DIS3: variants seen among roughly 807,000 people sequenced by gnomAD.
DIS3 encodes the protein DIS3 exosome endoribonuclease and 3'-5' exoribonuclease.
DIS3 carries 103 observed loss-of-function variants against 113.0 expected under a neutral mutation model. The observed-to-expected ratio is 0.91, with a 90% CI of 0.78 to 1.07. The LOEUF (loss-of-function observed/expected upper bound fraction) is 1.07. Among genes scored for constraint, DIS3 ranks in the 50% least tolerant of loss-of-function variants. The pLI is 0.00. For missense variants in DIS3, 1,121 were observed against 1,167.1 expected (o/e 0.96, Z 0.58); for synonymous variants, 402 against 394.3 (o/e 1.02, Z -0.23).
At chr13:72,781,193 C>A in intron 1 of DIS3, 190 bp from the exon 2 acceptor site, 1 of 1,469,488 alleles carries the variant, frequency 6.8e-7, no homozygotes, top group Non-Finnish European at 9.3e-7. Flanking sequence ...TTAAAAAAAG[C>A]ACACTTAAAC....
chr13:72,775,691 A>G (rs529117501), intron 5 of DIS3, among the ~76,000 whole-genome samples: 2 of 152,118 alleles, frequency 1.3e-5, no homozygotes, highest in Non-Finnish European at 2.9e-5. Context: ...ATAAGAGTAC[A>G]CTACCTAGTT....
Position 72,781,634 on chromosome 13 carries a change from G to C in DIS3, c.199C>G (p.Leu67Val). 2 of 1,539,318 alleles carry C rather than the reference G, an allele frequency of 1.3e-6. No homozygotes were observed. The highest frequency in any genetic ancestry group is 2.0e-5 in the Admixed American group (1 of 49,972). Reference sequence around the variant, plus strand: ...TGCAGTAACACATTAGTGTCGGGCAGCAAGTAGTGCGGTTGCGGGCAGACG... The same window carrying C: ...TGCAGTAACACATTAGTGTCGGGCACCAAGTAGTGCGGTTGCGGGCAGACG... ...SSVCPQPHYL[L>V]PDTNVLLHQI... is the part of the protein sequence containing the mutation. Residue 67 changes from leucine to valine, a missense_variant, in exon 1 of 21, where the codon CTG becomes GTG. This residue lies in a region of DIS3 where 254 missense variants were observed against 232.2 expected (regional missense o/e 1.09). Transcript: ENST00000377767.
At chr13:72,781,351 T>TA in intron 1 of DIS3, 1 of 1,551,272 alleles carries the variant, frequency 6.4e-7, no homozygotes, top group Non-Finnish European at 8.7e-7. Flanking sequence ...TCCAGGCACT[T>TA]ACAATCTAAG....
intron 4 of DIS3, among the ~76,000 whole-genome samples, chr13:72,777,127 C>T (rs535457633): frequency 6.6e-6 from 1 of 152,338 alleles, no homozygotes; most frequent in East Asian, 1.9e-4. Context: ...TCAGCAGCTA[C>T]TCTTTATTCA....
At chr13:72,760,831 T>A (rs905963085) in intron 19 of DIS3, among the ~76,000 whole-genome samples, 180 bp from the exon 20 acceptor site, 1 of 152,192 alleles carries the variant, frequency 6.6e-6, no homozygotes, top group Non-Finnish European at 1.5e-5. Flanking sequence ...CCTACTTATG[T>A]GCTTACTTTC....
In DIS3 at chr13:72,761,649, G is replaced by A. The variant is rs763499612; in HGVS notation, c.2508C>T (p.Thr836=). 1.9e-6 allele frequency: 3 copies of A among 1,589,774 alleles called. No homozygotes were observed. Among genetic ancestry groups the A allele is most frequent in the Middle Eastern group, 1.7e-4 (1 of 5,944 alleles). Residue 836 remains threonine, a synonymous_variant, in exon 18 of 21, where the codon ACC becomes ACT. Coordinates refer to ENST00000377767, the MANE Select transcript of DIS3 (RefSeq NM_014953.5). ...YAQRASVAFH[T]QLFFKSKGIV... is the part of the protein sequence containing the mutation. Reference sequence around the variant, plus strand: ...AGTATCGACAAAAGGCAAATACCTGGGTATGAAAAGCCACTGATGCACGTT... The same window carrying A: ...AGTATCGACAAAAGGCAAATACCTGAGTATGAAAAGCCACTGATGCACGTT...
chr13:72,754,008 T>C lies in DIS3; in HGVS notation c.*5787A>G, dbSNP rs1236096962. 1.8e-6 allele frequency: 1 copy of C among 569,446 alleles called. No homozygotes were observed. Among genetic ancestry groups the C allele is most frequent in the African/African-American group, 1.9e-5 (1 of 52,976 alleles). The allele number at this position is 569,446 out of a possible 1,614,324, so 35.3% of individuals were successfully genotyped here. A position where few individuals can be genotyped will look rare whatever the true frequency, so the allele number is the denominator to read the frequency against. ...ACTCTGAATACACAAGTATCTTACA[T>C]ACTACAAAGTGTGCAAAGGTAGCGT... On this transcript the variant is annotated 3_prime_UTR_variant, in exon 21 of 21. Coordinates refer to ENST00000377767, the MANE Select transcript of DIS3 (RefSeq NM_014953.5).
In DIS3 at chr13:72,772,759, G is replaced by C. The variant is rs1210053929; in HGVS notation, c.1320C>G (p.Pro440=). Residue 440 remains proline (P), a synonymous_variant, in exon 9 of 21, where the codon CCC becomes CCG. Coordinates refer to ENST00000377767, the MANE Select transcript of DIS3 (RefSeq NM_014953.5). ...TEVLLLEHDV[P]HQPFSQAVLS... The stretch of plus-strand genomic sequence containing the variant: ...GAACAGCCTGTGAAAAAGGCTGATG[G>C]GGAACATCGTGTTCAAGTAACAAAA... 1 of 1,613,468 alleles carries C rather than the reference G, an allele frequency of 6.2e-7. No individual in the cohort carries two copies.
At position 72,753,938 on chromosome 13, in the gene DIS3, T is replaced by G; in HGVS notation, c.*5857A>C. The G allele has an allele frequency of 9.3e-7, 1 of 1,071,724 alleles. No homozygotes were observed. The highest frequency in any genetic ancestry group is 2.9e-5 in the Admixed American group (1 of 34,810). The allele number at this position is 1,071,724 out of a possible 1,614,324, so 66.4% of individuals were successfully genotyped here. On this transcript the variant is annotated 3_prime_UTR_variant, in exon 21 of 21. Coordinates refer to ENST00000377767, the MANE Select transcript of DIS3 (RefSeq NM_014953.5). Reference sequence around the variant, plus strand: ...ATATGAAATTTAAAACACTAAAAGGTAAGCCTGTTTTCTTAACATCCAATA... The same window carrying G: ...ATATGAAATTTAAAACACTAAAAGGGAAGCCTGTTTTCTTAACATCCAATA...
At position 72,754,196 on chromosome 13, in the gene DIS3, C is replaced by G. The variant is rs1277683816; in HGVS notation, c.*5599G>C. On this transcript the variant is annotated 3_prime_UTR_variant, in exon 21 of 21. Coordinates refer to ENST00000377767, the MANE Select transcript of DIS3 (RefSeq NM_014953.5). The stretch of plus-strand genomic sequence containing the variant: ...TGTAGAGACAGGGCCTGCTGTGTTG[C>G]CCAGGCTGGTCTCAAACTCCTGGTG... 1 of 162,424 alleles carries G rather than the reference C, an allele frequency of 6.2e-6. No homozygotes were observed. The highest frequency in any genetic ancestry group is 1.3e-5 in the Non-Finnish European group (1 of 75,258). 10.1% of individuals were successfully genotyped at this position (162,424 alleles called of 1,614,324 possible). A position where few individuals can be genotyped will look rare whatever the true frequency, so the allele number is the denominator to read the frequency against.
intron 5 of DIS3, 95 bp from the exon 6 acceptor site, chr13:72,775,470 A>G: frequency 1.5e-6 from 2 of 1,317,930 alleles, no homozygotes; most frequent in Non-Finnish European, 2.0e-6. Flanking sequence ...TACACTCTGA[A>G]TATCTCTATG....
In DIS3 at chr13:72,755,229, A is replaced by T. The variant is rs1240675183; in HGVS notation, c.*4566T>A. On this transcript the variant is annotated 3_prime_UTR_variant, in exon 21 of 21. Transcript: ENST00000377767. Reference sequence around the variant, plus strand: ...CAGCAGTCCATAGAATGCCTCTGTCAGAATCAAAGACTAAGCTTAAGAGTT... The same window carrying T: ...CAGCAGTCCATAGAATGCCTCTGTCTGAATCAAAGACTAAGCTTAAGAGTT... 6.3e-7 allele frequency: 1 copy of T among 1,598,446 alleles called. No individual in the cohort carries two copies.
Position 72,775,198 on chromosome 13 carries a change from C to G in DIS3, c.987+13G>C, listed in dbSNP as rs781434015. ...GCTACACAGACAAAAAAAAATCCTG[C>G]TTAGATTCATACCATTCGTTCTGTC... is the stretch of plus-strand genomic sequence containing the variant. On this transcript the variant is annotated intron_variant, in intron 6 of 20. Transcript: ENST00000377767. 3 of 1,598,796 alleles carry G rather than the reference C, an allele frequency of 1.9e-6. No individual in the cohort carries two copies. The Admixed American group carries it at 5.2e-5, about 28-fold the overall frequency.
In DIS3 at chr13:72,781,859, C is replaced by A. The variant is rs747439217; in HGVS notation, c.-27G>T. The A allele has an allele frequency of 6.6e-7, 1 of 1,516,390 alleles. No individual in the cohort carries two copies. The highest frequency in any genetic ancestry group is 8.9e-7 in the Non-Finnish European group (1 of 1,125,724). The allele number at this position is 1,516,390 out of a possible 1,614,324, so 93.9% of individuals were successfully genotyped here. On this transcript the variant is annotated 5_prime_UTR_variant, in exon 1 of 21. Coordinates refer to ENST00000377767, the MANE Select transcript of DIS3 (RefSeq NM_014953.5). ...TTGCCTCGCCGCGCAGAATCCTAAC[C>A]CCAGCAGCGCTCTTCCAGCAAAAGG...
At chr13:72,759,917 A>T in intron 20 of DIS3, 39 bp from the exon 21 acceptor site, 1 of 1,508,612 alleles carries the variant, frequency 6.6e-7, no homozygotes, top group Non-Finnish European at 9.2e-7. Flanking sequence ...GGTGATTTAA[A>T]GGATAGAATA....
chr13:72,779,087 T>C (rs1315551788), intron 2 of DIS3, among the ~76,000 whole-genome samples: 1 of 152,128 alleles, frequency 6.6e-6, no homozygotes, highest in Non-Finnish European at 1.5e-5. Flanking sequence ...GTTTTAGAAT[T>C]ATTTTATTCC....
chr13:72,781,801 G>C lies in DIS3; in HGVS notation c.32C>G (p.Thr11Ser). Residue 11 changes from threonine (T) to serine (S), a missense_variant, in exon 1 of 21, where the codon ACC becomes AGC. By Grantham distance (58) the Thr-to-Ser change is moderately conservative. Coordinates refer to ENST00000377767, the MANE Select transcript of DIS3 (RefSeq NM_014953.5). MLKSKTFLKK[T>S]RAGGVMKIVR... ...GATCTTCATCACGCCGCCCGCCCGG[G>C]TCTTTTTTAAGAACGTCTTGGACTT... is the stretch of plus-strand genomic sequence containing the variant. The C allele has an allele frequency of 1.2e-6, 2 of 1,604,056 alleles. No individual in the cohort carries two copies. The highest frequency in any genetic ancestry group is 1.1e-5 in the South Asian group (1 of 89,572).
intron 2 of DIS3, among the ~76,000 whole-genome samples, chr13:72,780,126 G>T (rs2034119455): frequency 6.6e-6 from 1 of 151,710 alleles, no homozygotes; most frequent in Non-Finnish European, 1.5e-5. Context: ...AGGAATTCGA[G>T]ACCAGCCTGA....
intron 14 of DIS3, among the ~76,000 whole-genome samples, 161 bp from the exon 15 acceptor site, chr13:72,766,219 AAACAGCTCAGTAGAGCTTTCATG>A (rs1184232009): frequency 2.6e-5 from 4 of 152,220 alleles, no homozygotes; most frequent in East Asian, 1.9e-4. Flanking sequence ...CTATTTTCAT[AAACAGCTCAGTAGAGCTTTCATG>A]AACAGCTCAG....
Sources: gnomAD v4.1 joint callset for allele counts (sites outside exome capture counted in the v4.1 genomes callset) on GRCh38, gnomAD v4.1.1 for gene constraint, gnomAD v4.1.1 regional missense constraint, MANE v1.5 for transcripts, NCBI Gene and HGNC (gene_info 2026-07-23, HGNC 2026-07-21) for gene names.